Variants in NBEA observed in about 807,000 individuals in gnomAD.
The protein encoded by NBEA is neurobeachin.
NBEA carries 44 observed loss-of-function variants against 343.4 expected under a neutral mutation model. The ratio of observed to expected loss-of-function variants is 0.13; its 90% CI spans 0.10 to 0.16. NBEA has a LOEUF of 0.16. Among genes scored for constraint, NBEA ranks in the 10% least tolerant of loss-of-function variants. NBEA has a pLI of 1.00. For missense variants in NBEA, 2,555 were observed against 3,631.3 expected, an observed-to-expected ratio of 0.70 and a Z score of 7.62; for synonymous variants, 1,175 against 1,238.7, an observed-to-expected ratio of 0.95 and a Z score of 1.08.
chr13:35,379,627 A>C (rs1269322900), intron 38 of NBEA, among the ~76,000 whole-genome samples: 1 of 151,980 alleles, frequency 6.6e-6, no homozygotes, highest in Non-Finnish European at 1.5e-5. Flanking sequence ...GTTTTCTTCC[A>C]AAAGCTTTCT....
At chr13:35,425,278 G>A (rs1046514154) in intron 38 of NBEA, among the ~76,000 whole-genome samples, 4 of 152,010 alleles carry the variant, frequency 2.6e-5, no homozygotes, top group African/African-American at 7.3e-5. Context: ...TCTCTTGTGG[G>A]CATTTAGTGC....
In NBEA at chr13:35,550,698, G is replaced by T. The variant is rs2079278056; in HGVS notation, c.6703+104G>T. 4 of 731,234 alleles carry T rather than the reference G, an allele frequency of 5.5e-6. No individual in the cohort carries two copies. The East Asian group carries it at 1.1e-4, about 20-fold the overall frequency. The allele number at this position is 731,234 out of a possible 1,614,324, so 45.3% of individuals were successfully genotyped here. ...ATTTTTCCTACTGTATTTCTGATGT[G>T]CTCTAGCTTAAACAAACAGAAATTC... On this transcript the variant is annotated intron_variant, in intron 42 of 58. Coordinates refer to ENST00000379939, the MANE Select transcript of NBEA (RefSeq NM_001385012.1).
intron 38 of NBEA, among the ~76,000 whole-genome samples, chr13:35,371,457 T>C (rs73494549): frequency 0.012 from 1,829 of 148,828 alleles, 45 homozygotes; most frequent in African/African-American, 0.046. Context: ...TCAGGATTCC[T>C]GTTTGTTTGT....
intron 36 of NBEA, among the ~76,000 whole-genome samples, chr13:35,338,047 C>T (rs888552436): frequency 6.6e-6 from 1 of 151,586 alleles, no homozygotes; most frequent in African/African-American, 2.4e-5. Flanking sequence ...TCCCCGCCCC[C>T]AACAGGACAA....
chr13:35,124,565 T>C (rs1179772716), intron 17 of NBEA, among the ~76,000 whole-genome samples: 1 of 150,086 alleles, frequency 6.7e-6, no homozygotes, highest in Non-Finnish European at 1.5e-5. Flanking sequence ...CATACACATA[T>C]ATATGGATAT....
intron 1 of NBEA, among the ~76,000 whole-genome samples, chr13:34,998,477 C>A (rs1320110323): frequency 2.6e-5 from 4 of 152,158 alleles, no homozygotes; most frequent in Admixed American, 6.5e-5. Flanking sequence ...GAGACGGGGG[C>A]TTATTTCATC....
Position 35,554,996 on chromosome 13 carries a change from A to T in NBEA, c.6816A>T (p.Ser2272=). 1 of 1,601,228 alleles carries T rather than the reference A, an allele frequency of 6.2e-7. No homozygotes were observed. The highest frequency in any genetic ancestry group is 8.5e-7 in the Non-Finnish European group (1 of 1,169,990). ...TGTGCTTAATTGCTAGGAGGATATC[A>T]TTGGCCACTCCTCGACAGCTTTATA... is the stretch of plus-strand genomic sequence containing the variant. ...SYGLPQARRI[S]LATPRQLYKS... is the part of the protein sequence containing the mutation. The change falls in exon 44 of 59, where the codon TCA becomes TCT. Residue 2272 remains serine (S), a synonymous_variant. Transcript: ENST00000379939.
chr13:35,159,870 G>A lies in NBEA; in HGVS notation c.3699G>A (p.Glu1233=), dbSNP rs755108183. Residue 1233 remains glutamate, a synonymous_variant, in exon 22 of 59, where the codon GAG becomes GAA. Coordinates refer to ENST00000379939, the MANE Select transcript of NBEA (RefSeq NM_001385012.1). ...TAGCGTCATCAACTAAGGGGCTGGA[G>A]TATGCTGAAATGACTGCTACAACTC... ...RDLASSTKGL[E]YAEMTATTLE... 1 of 1,604,832 alleles carries A rather than the reference G, an allele frequency of 6.2e-7. No individual in the cohort carries two copies. Among genetic ancestry groups the A allele is most frequent in the Non-Finnish European group, 8.5e-7 (1 of 1,175,150 alleles).
chr13:35,317,243 C>T (rs531691818), intron 36 of NBEA, among the ~76,000 whole-genome samples: 4 of 150,156 alleles, frequency 2.7e-5, no homozygotes, highest in South Asian at 2.1e-4. Flanking sequence ...TATGGTTTTA[C>T]GTTTAAGTCT....
intron 28 of NBEA, among the ~76,000 whole-genome samples, chr13:35,178,570 C>T (rs1434655007): frequency 2.0e-5 from 3 of 151,410 alleles, no homozygotes; most frequent in Admixed American, 6.6e-5. Flanking sequence ...TACATACATA[C>T]GTGCATCTTT....
At chr13:35,213,762 T>G (rs1474146182) in intron 33 of NBEA, among the ~76,000 whole-genome samples, 5 of 151,912 alleles carry the variant, frequency 3.3e-5, no homozygotes, top group Non-Finnish European at 7.4e-5. Context: ...TTTATATTGT[T>G]CAAACTCAAT....
At chr13:35,492,911 G>T (rs1346790136) in intron 41 of NBEA, among the ~76,000 whole-genome samples, 2 of 151,828 alleles carry the variant, frequency 1.3e-5, no homozygotes, top group African/African-American at 4.8e-5. Context: ...CTAGATGAAG[G>T]AGAAAAGTAG....
chr13:35,463,237 C>G (rs1158668444), intron 40 of NBEA, among the ~76,000 whole-genome samples: 1 of 152,184 alleles, frequency 6.6e-6, no homozygotes, highest in Non-Finnish European at 1.5e-5. Context: ...ATTTTTCAAA[C>G]TAATGCTCCT....
intron 34 of NBEA, among the ~76,000 whole-genome samples, chr13:35,269,115 T>A (rs1037265873): frequency 3.3e-5 from 5 of 152,152 alleles, no homozygotes; most frequent in Non-Finnish European, 4.4e-5. Context: ...GTGTGAATAT[T>A]CAGGTGCTCC....
intron 47 of NBEA, among the ~76,000 whole-genome samples, chr13:35,605,665 C>T (rs1364763264): frequency 6.6e-6 from 1 of 152,102 alleles, no homozygotes; most frequent in Non-Finnish European, 1.5e-5. Flanking sequence ...AAAATCAGTT[C>T]ATTTCTACAT....
At chr13:35,273,949 G>A (rs1284708199) in intron 34 of NBEA, among the ~76,000 whole-genome samples, 2 of 152,108 alleles carry the variant, frequency 1.3e-5, no homozygotes, top group Admixed American at 6.5e-5. Context: ...AAGAAGAGCT[G>A]GTACCTTTCC....
chr13:34,964,708 A>T (rs2059765699), intron 1 of NBEA, among the ~76,000 whole-genome samples: 1 of 151,980 alleles, frequency 6.6e-6, no homozygotes. Context: ...TGCTAAGTGG[A>T]GCTTAAATGA....
intron 16 of NBEA, among the ~76,000 whole-genome samples, chr13:35,123,005 C>T (rs1411412086): frequency 6.6e-6 from 1 of 152,036 alleles, no homozygotes; most frequent in African/African-American, 2.4e-5. Context: ...ACCAAGAAAA[C>T]AGGGTTAGGG....
At chr13:35,516,785 G>C (rs1427981309) in intron 41 of NBEA, among the ~76,000 whole-genome samples, 2 of 152,154 alleles carry the variant, frequency 1.3e-5, no homozygotes, top group Non-Finnish European at 2.9e-5. Context: ...CTTAATATGT[G>C]TCAGACACTG....
Sources: allele counts gnomAD v4.1 joint callset (sites outside exome capture counted in the v4.1 genomes callset), GRCh38; gene constraint gnomAD v4.1.1; transcripts MANE v1.5; gene names NCBI Gene and HGNC (gene_info 2026-07-23, HGNC 2026-07-21).